Variants in COL9A1 observed in about 807,000 individuals in gnomAD.
COL9A1 encodes collagen type IX alpha 1 chain.
In COL9A1, 104 loss-of-function variants were observed where a neutral mutation model predicts 142.6. The ratio of observed to expected loss-of-function variants is 0.73; its 90% CI spans 0.62 to 0.86. The LOEUF (loss-of-function observed/expected upper bound fraction) is 0.86, where lower values mean the gene tolerates loss of function less well. Ranked by LOEUF, COL9A1 falls within the 40% of genes least tolerant of loss-of-function variation. COL9A1 has a pLI of 0.00. For synonymous variants in COL9A1, 466 were observed against 396.0 expected, an observed-to-expected ratio of 1.18 and a Z score of -2.10; for missense variants, 1,210 against 1,176.6, an observed-to-expected ratio of 1.03 and a Z score of -0.42.
At chr6:70,285,063 A>G (rs887429341) in intron 5 of COL9A1, among the ~76,000 whole-genome samples, 6 of 152,262 alleles carry the variant, frequency 3.9e-5, no homozygotes, top group Admixed American at 3.3e-4. Flanking sequence ...CAGAAAACCT[A>G]TATCTTTTGT....
At chr6:70,292,048 G>A (rs114959989) in intron 5 of COL9A1, among the ~76,000 whole-genome samples, 1,954 of 152,272 alleles carry the variant, frequency 0.013, 48 homozygotes, top group African/African-American at 0.044. Context: ...TTAAAAAAGT[G>A]TAAGTTGGCT....
chr6:70,233,041 G>A (rs1161145299), intron 35 of COL9A1, among the ~76,000 whole-genome samples: 1 of 152,064 alleles, frequency 6.6e-6, no homozygotes, highest in Non-Finnish European at 1.5e-5. Flanking sequence ...AGCAGGGGGT[G>A]GGATTCACAA....
intron 26 of COL9A1, among the ~76,000 whole-genome samples, chr6:70,253,052 G>A (rs774376389): frequency 6.6e-6 from 1 of 151,970 alleles, no homozygotes; most frequent in Non-Finnish European, 1.5e-5. Context: ...TAGTTTAGCT[G>A]AATCATCCTA....
At chr6:70,243,964 G>T (rs752250727) in intron 28 of COL9A1, among the ~76,000 whole-genome samples, 4 of 152,136 alleles carry the variant, frequency 2.6e-5, no homozygotes, top group Admixed American at 6.5e-5. Context: ...TGACATGACA[G>T]CTCCATATTA....
At position 70,271,347 on chromosome 6, in the gene COL9A1, G is replaced by C. The variant is rs16868866; in HGVS notation, c.1143+308C>G. Among the ~76,000 whole-genome samples, 3,638 of 152,118 alleles carry C rather than the reference G, an allele frequency of 0.024. 129 individuals are homozygous for C. Among genetic ancestry groups the C allele is most frequent in the African/African-American group, 0.071 (2,938 of 41,472 alleles). ...GCTATTCACTTTTATTTCATGCAGG[G>C]AGCCTAATACAAAAGCCACTAGACT... On this transcript the variant is annotated intron_variant, in intron 14 of 37. Coordinates refer to ENST00000357250, the MANE Select transcript of COL9A1 (RefSeq NM_001851.6).
At chr6:70,221,109 A>T (rs1045085172) in intron 37 of COL9A1, among the ~76,000 whole-genome samples, 3 of 151,300 alleles carry the variant, frequency 2.0e-5, no homozygotes, top group Non-Finnish European at 4.4e-5. Flanking sequence ...TTTTTTTTTT[A>T]AACAAATGAA....
At chr6:70,277,166 T>C (rs1772815101) in intron 10 of COL9A1, among the ~76,000 whole-genome samples, 1 of 152,216 alleles carries the variant, frequency 6.6e-6, no homozygotes, top group East Asian at 1.9e-4. Context: ...CTCTTCTGCT[T>C]ATCTCATATG....
intron 19 of COL9A1, 124 bp downstream of exon 19, chr6:70,263,120 A>G (rs1190399109): frequency 1.4e-6 from 1 of 720,706 alleles, no homozygotes; most frequent in Admixed American, 2.8e-5. Flanking sequence ...CGTGGTGGAA[A>G]ATAGAGGACA....
intron 20 of COL9A1, among the ~76,000 whole-genome samples, chr6:70,259,973 G>A (rs1030948019): frequency 6.6e-6 from 1 of 151,950 alleles, no homozygotes; most frequent in African/African-American, 2.4e-5. Context: ...TGTCTTTGGG[G>A]ATGTCCTGCC....
intron 33 of COL9A1, among the ~76,000 whole-genome samples, chr6:70,238,231 G>A (rs1324441949): frequency 2.6e-5 from 4 of 152,212 alleles, no homozygotes; most frequent in Admixed American, 1.3e-4. Context: ...AAACAGGAAG[G>A]ACTTGGAAAC....
intron 10 of COL9A1, chr6:70,280,403 G>C: frequency 8.4e-7 from 1 of 1,184,674 alleles, no homozygotes; most frequent in Non-Finnish European, 1.0e-6. Context: ...CGGTGAAAGA[G>C]CAAGGGCGAA....
intron 31 of COL9A1, 81 bp from the exon 32 acceptor site, chr6:70,240,814 T>G (rs1770209106): frequency 4.7e-6 from 5 of 1,053,062 alleles, no homozygotes; most frequent in Non-Finnish European, 7.5e-6. Flanking sequence ...TGATAAGCAT[T>G]CATAAGTGCC....
chr6:70,291,376 C>T (rs1017615882), intron 5 of COL9A1, among the ~76,000 whole-genome samples: 1 of 152,076 alleles, frequency 6.6e-6, no homozygotes. Context: ...CATCAAATCC[C>T]TTAGGAAACA....
chr6:70,228,700 T>C (rs1158448934), intron 36 of COL9A1, among the ~76,000 whole-genome samples: 2 of 152,156 alleles, frequency 1.3e-5, no homozygotes, highest in Admixed American at 1.3e-4. Context: ...GTGAATGTCT[T>C]CATGTGAATG....
At position 70,300,178 on chromosome 6, in the gene COL9A1, A is replaced by G. The variant is rs1228253857; in HGVS notation, c.167-3T>C. 1.2e-6 allele frequency: 2 copies of G among 1,613,796 alleles called. No individual in the cohort carries two copies. The highest frequency in any genetic ancestry group is 4.5e-5 in the East Asian group (2 of 44,844). On this transcript the variant is annotated splice_polypyrimidine_tract_variant and splice_region_variant and intron_variant, in intron 3 of 37. Transcript: ENST00000357250. Reference sequence around the variant, plus strand: ...GAACTGAGAGATCAGATCAAACCCTATAGAATGGGAATACAAAATGAAAAG... The same window carrying G: ...GAACTGAGAGATCAGATCAAACCCTGTAGAATGGGAATACAAAATGAAAAG...
chr6:70,272,002 G>A (rs1431355403), intron 13 of COL9A1, 63 bp downstream of exon 13: 3 of 1,494,066 alleles, frequency 2.0e-6, no homozygotes, highest in African/African-American at 1.4e-5. Context: ...GAATAAGGTG[G>A]GGATTTGAGA....
chr6:70,240,631 CTTCT>C, intron 32 of COL9A1, 54 bp downstream of exon 32: 1 of 1,208,980 alleles, frequency 8.3e-7, no homozygotes, highest in Non-Finnish European at 1.2e-6. Context: ...TATATATATA[CTTCT>C]AACAGTTCAA....
chr6:70,271,023 T>C (rs1772366278), intron 14 of COL9A1, among the ~76,000 whole-genome samples: 1 of 152,264 alleles, frequency 6.6e-6, no homozygotes, highest in South Asian at 2.1e-4. Context: ...ATTTTAACTT[T>C]ACAATCATTT....
At chr6:70,274,844 A>G in intron 10 of COL9A1, 72 bp from the exon 11 acceptor site, 1 of 1,210,058 alleles carries the variant, frequency 8.3e-7, no homozygotes, top group Non-Finnish European at 1.2e-6. Context: ...GAAAACTTTC[A>G]TTTTATTTAT....
Sources: gnomAD v4.1 joint callset for allele counts (sites outside exome capture counted in the v4.1 genomes callset) on GRCh38, gnomAD v4.1.1 for gene constraint, MANE v1.5 for transcripts, NCBI Gene and HGNC (gene_info 2026-07-23, HGNC 2026-07-21) for gene names.